FOXP1: variants seen among roughly 807,000 people sequenced by gnomAD.
FOXP1 encodes forkhead box protein P1.
A neutral mutation model predicts 98.2 loss-of-function variants in FOXP1; 15 were observed. The ratio of observed to expected loss-of-function variants is 0.15; its 90% CI spans 0.10 to 0.24. The LOEUF is 0.24. Ranked by LOEUF, FOXP1 falls within the 10% of genes least tolerant of loss-of-function variation. The probability of loss-of-function intolerance (pLI) is 1.00; values close to 1 mark genes in which losing one functional copy is unlikely to be tolerated. For synonymous variants in FOXP1, 371 were observed against 314.5 expected, an observed-to-expected ratio of 1.18 and a Z score of -1.90; for missense variants, 633 against 848.5, an observed-to-expected ratio of 0.75 and a Z score of 3.15.
intron 3 of FOXP1, among the ~76,000 whole-genome samples, chr3:71,369,444 G>T (rs976212323): frequency 6.6e-6 from 1 of 152,176 alleles, no homozygotes; most frequent in East Asian, 1.9e-4. Flanking sequence ...ACCCAGGCTG[G>T]AGTACAATGG....
chr3:70,966,568 A>G (rs1172399189), intron 19 of FOXP1, among the ~76,000 whole-genome samples: 1 of 152,190 alleles, frequency 6.6e-6, no homozygotes, highest in Non-Finnish European at 1.5e-5. Context: ...ATAGAATTGG[A>G]ATCAATTTTT....
chr3:71,419,293 AAC>A (rs1372765561), intron 3 of FOXP1, among the ~76,000 whole-genome samples: 2 of 151,646 alleles, frequency 1.3e-5, no homozygotes, highest in Non-Finnish European at 2.9e-5. Context: ...GGAAAAAGAA[AAC>A]ACAGCATCTA....
At chr3:71,506,980 AC>A (rs1170855348) in intron 2 of FOXP1, among the ~76,000 whole-genome samples, 1 of 152,196 alleles carries the variant, frequency 6.6e-6, no homozygotes, top group Non-Finnish European at 1.5e-5. Context: ...TGCCTAGTCA[AC>A]CAGCAACGGC....
At position 71,442,288 on chromosome 3, in the gene FOXP1, G is replaced by A. The variant is rs372027780; in HGVS notation, c.-168+51138C>T. ...CAACCAGACTGAGTTGCTTGACACA[G>A]GGACTAAGGACACGTCTTTGTATAG... is the stretch of plus-strand genomic sequence containing the variant. On this transcript the variant is annotated intron_variant, in intron 3 of 20. Coordinates refer to ENST00000649528, the MANE Select transcript of FOXP1 (RefSeq NM_001349338.3). Among the ~76,000 whole-genome samples the A allele has an allele frequency of 3.9e-5, 6 of 152,050 alleles. No individual in the cohort carries two copies. In the East Asian group the frequency reaches 1.2e-3, roughly 29 times the overall value.
chr3:71,540,290 A>G (rs1046411750), intron 2 of FOXP1, among the ~76,000 whole-genome samples: 2 of 152,210 alleles, frequency 1.3e-5, no homozygotes, highest in Non-Finnish European at 2.9e-5. Context: ...CTTTTTGCAA[A>G]CAGCACTGGT....
At chr3:70,978,230 G>A (rs1225695793) in intron 14 of FOXP1, among the ~76,000 whole-genome samples, 1 of 152,188 alleles carries the variant, frequency 6.6e-6, no homozygotes, top group Admixed American at 6.5e-5. Flanking sequence ...TCTGGCAGCG[G>A]TCTCTTTTCC....
intron 3 of FOXP1, among the ~76,000 whole-genome samples, chr3:71,436,907 C>T (rs896236855): frequency 2.6e-5 from 4 of 152,136 alleles, no homozygotes; most frequent in African/African-American, 7.2e-5. Flanking sequence ...ATCAAAGCAA[C>T]GCTGATCAAC....
At chr3:71,401,269 G>C (rs1199999094) in intron 3 of FOXP1, among the ~76,000 whole-genome samples, 1 of 152,132 alleles carries the variant, frequency 6.6e-6, no homozygotes, top group Admixed American at 6.5e-5. Context: ...ATAGAAAACA[G>C]GCACCAACTC....
At chr3:71,476,971 C>T (rs1450939700) in intron 3 of FOXP1, among the ~76,000 whole-genome samples, 2 of 152,190 alleles carry the variant, frequency 1.3e-5, no homozygotes, top group East Asian at 3.8e-4. Context: ...AACTTATTGA[C>T]ATTTATCTCA....
At chr3:71,266,509 C>T (rs1398990272) in intron 5 of FOXP1, among the ~76,000 whole-genome samples, 1 of 152,182 alleles carries the variant, frequency 6.6e-6, no homozygotes, top group Non-Finnish European at 1.5e-5. Context: ...ACCTCAGCTT[C>T]CCAAAGTGCT....
chr3:71,229,014 T>G (rs1432419900), intron 5 of FOXP1, among the ~76,000 whole-genome samples: 1 of 150,164 alleles, frequency 6.7e-6, no homozygotes, highest in African/African-American at 2.5e-5. Context: ...ATTGGTTTAA[T>G]GAGCAGACCT....
intron 6 of FOXP1, among the ~76,000 whole-genome samples, chr3:71,118,338 C>A (rs2058523613): frequency 6.6e-6 from 1 of 152,154 alleles, no homozygotes; most frequent in Non-Finnish European, 1.5e-5. Context: ...AACTTCTGAG[C>A]TATTTACATT....
chr3:71,518,308 C>T (rs1324298137), intron 2 of FOXP1, among the ~76,000 whole-genome samples: 1 of 152,108 alleles, frequency 6.6e-6, no homozygotes, highest in Non-Finnish European at 1.5e-5. Context: ...CAGAATTCTA[C>T]AGATGAGAAA....
chr3:71,323,863 C>G (rs1437477271), intron 4 of FOXP1, among the ~76,000 whole-genome samples: 1 of 152,152 alleles, frequency 6.6e-6, no homozygotes, highest in Non-Finnish European at 1.5e-5. Context: ...CCTTGCTTCA[C>G]CAGCAGGACA....
At chr3:70,998,832 T>G (rs551201709) in intron 13 of FOXP1, among the ~76,000 whole-genome samples, 2 of 152,354 alleles carry the variant, frequency 1.3e-5, no homozygotes, top group East Asian at 1.9e-4. Context: ...CTAAATCTTT[T>G]CCTTCTCCTG....
At chr3:71,511,497 A>T (rs547938245) in intron 2 of FOXP1, among the ~76,000 whole-genome samples, 151 of 78,130 alleles carry the variant, frequency 1.9e-3, no homozygotes, top group African/African-American at 4.0e-3. Context: ...TAGAATTAAT[A>T]AAAAAAAAAA....
intron 5 of FOXP1, among the ~76,000 whole-genome samples, chr3:71,281,490 T>C (rs1409629636): frequency 6.6e-6 from 1 of 152,176 alleles, no homozygotes. Context: ...CCCTGCCCTG[T>C]AGAACACACA....
chr3:71,430,067 T>A (rs1264726414), intron 3 of FOXP1, among the ~76,000 whole-genome samples: 2 of 151,750 alleles, frequency 1.3e-5, no homozygotes, highest in African/African-American at 4.8e-5. Context: ...ATACGAGAGG[T>A]TTTCTCAAAT....
At chr3:71,321,156 A>G (rs991325431) in intron 4 of FOXP1, among the ~76,000 whole-genome samples, 3 of 150,488 alleles carry the variant, frequency 2.0e-5, no homozygotes, top group African/African-American at 7.3e-5. Flanking sequence ...AAACGCTTTC[A>G]GATAGTAAGA....
Sources: allele counts gnomAD v4.1 joint callset (sites outside exome capture counted in the v4.1 genomes callset), GRCh38; gene constraint gnomAD v4.1.1; transcripts MANE v1.5; gene names NCBI Gene and HGNC (gene_info 2026-07-23, HGNC 2026-07-21).